The following LRP1B variants were observed in gnomAD, a reference collection of about 807,000 sequenced individuals.
LRP1B encodes LDL receptor related protein 1B, also known as low-density lipoprotein receptor-related protein 1B.
A neutral mutation model predicts 556.6 loss-of-function variants in LRP1B; 217 were observed. The ratio of observed to expected loss-of-function variants is 0.39; its 90% CI spans 0.35 to 0.44. The LOEUF (loss-of-function observed/expected upper bound fraction) is 0.44, where lower values mean the gene tolerates loss of function less well. LRP1B is among the 20% of genes least tolerant of loss of function. LRP1B has a pLI of 1.00. For missense variants in LRP1B, 5,053 were observed against 5,620.8 expected, an observed-to-expected ratio of 0.90 and a Z score of 3.23; for synonymous variants, 2,047 against 1,865.8, an observed-to-expected ratio of 1.10 and a Z score of -2.50.
At chr2:140,364,561 A>T (rs1181931409) in intron 72 of LRP1B, 100 bp downstream of exon 72, 2 of 1,376,304 alleles carry the variant, frequency 1.5e-6, no homozygotes, top group Non-Finnish European at 1.0e-6. Flanking sequence ...TAACCCCAGG[A>T]TGGTATAATT....
rs145292513 is a variant in LRP1B at position 140,374,971 on chromosome 2, A to C, written c.10639-1834T>G. ...TTGAATTAAAGTTTCTTTAATGTATAACTATTTCTCGTTCTTCAGTTTTTT... is the reference window on the plus strand; with the variant it reads ...TTGAATTAAAGTTTCTTTAATGTATCACTATTTCTCGTTCTTCAGTTTTTT... On this transcript the variant is annotated intron_variant, in intron 68 of 90. Coordinates refer to ENST00000389484, the MANE Select transcript of LRP1B (RefSeq NM_018557.3). Among the ~76,000 whole-genome samples the C allele has an allele frequency of 3.3e-5, 5 of 152,212 alleles. No homozygotes were observed. In the East Asian group the frequency reaches 9.6e-4, roughly 29 times the overall value.
intron 3 of LRP1B, among the ~76,000 whole-genome samples, chr2:141,415,014 T>C (rs1691034024): frequency 6.7e-6 from 1 of 149,546 alleles, no homozygotes; most frequent in South Asian, 2.1e-4. Flanking sequence ...TGTACTTTTG[T>C]TTTGTTTTGT....
intron 2 of LRP1B, among the ~76,000 whole-genome samples, chr2:141,746,505 G>A (rs1295034188): frequency 1.3e-5 from 2 of 152,034 alleles, no homozygotes; most frequent in Non-Finnish European, 2.9e-5. Flanking sequence ...TCCATGCCAC[G>A]TGGCTGCTGC....
intron 86 of LRP1B, among the ~76,000 whole-genome samples, chr2:140,258,035 G>C (rs1413873516): frequency 1.3e-5 from 2 of 152,074 alleles, no homozygotes; most frequent in Admixed American, 1.3e-4. Context: ...TCACAATGTA[G>C]AGGAATAATT....
intron 38 of LRP1B, 39 bp downstream of exon 38, chr2:140,702,388 G>A (rs1315774095): frequency 1.9e-6 from 3 of 1,610,944 alleles, no homozygotes; most frequent in East Asian, 4.5e-5. Flanking sequence ...AAAGTTGTCA[G>A]TTAAGGCACT....
chr2:140,431,748 T>C (rs574633057), intron 66 of LRP1B, among the ~76,000 whole-genome samples: 12 of 152,286 alleles, frequency 7.9e-5, no homozygotes, highest in Admixed American at 2.6e-4. Context: ...ATCCAGGCCA[T>C]GACCAATAAT....
chr2:140,480,169 T>C (rs1319405437), intron 59 of LRP1B, among the ~76,000 whole-genome samples: 1 of 152,194 alleles, frequency 6.6e-6, no homozygotes, highest in Admixed American at 6.5e-5. Flanking sequence ...AAATGTTCAA[T>C]ATGTGGTGAC....
chr2:140,400,320 GCCCTGT>G (rs945872936), intron 66 of LRP1B, among the ~76,000 whole-genome samples: 5 of 152,096 alleles, frequency 3.3e-5, no homozygotes, highest in Non-Finnish European at 1.5e-5. Context: ...ACGTATTCCA[GCCCTGT>G]CTCTTGTTTT....
rs554704604 is a variant in LRP1B at position 141,944,157 on chromosome 2, G to A, written c.83-133756C>T. The stretch of plus-strand genomic sequence containing the variant: ...ACAATGACAGATCAAAGGAGGAGGA[G>A]GTGGGGAGACGTTCATCCCAGCTGG... On this transcript the variant is annotated intron_variant, in intron 1 of 90. Coordinates refer to ENST00000389484, the MANE Select transcript of LRP1B (RefSeq NM_018557.3). Among the ~76,000 whole-genome samples, 7 of 152,302 alleles carry A rather than the reference G, an allele frequency of 4.6e-5. No homozygotes were observed. The South Asian group carries it at 1.2e-3, about 27-fold the overall frequency.
In LRP1B at chr2:140,332,064, G is replaced by A. The variant is rs527310305; in HGVS notation, c.12223+2389C>T. Among the ~76,000 whole-genome samples, 177 of 152,106 alleles carry A rather than the reference G, an allele frequency of 1.2e-3. 1 individual carries two copies. The highest frequency in any genetic ancestry group is 4.1e-3 in the African/African-American group (171 of 41,538). On this transcript the variant is annotated intron_variant, in intron 79 of 90. Coordinates refer to ENST00000389484, the MANE Select transcript of LRP1B (RefSeq NM_018557.3). ...ATAAATTCATTTCTGAGGTCTCACAGCTAATAAATAATCCCTTGAGATTCA... is the reference window on the plus strand; with the variant it reads ...ATAAATTCATTTCTGAGGTCTCACAACTAATAAATAATCCCTTGAGATTCA...
chr2:141,913,848 G>T (rs1358706557), intron 1 of LRP1B, among the ~76,000 whole-genome samples: 2 of 152,068 alleles, frequency 1.3e-5, no homozygotes, highest in Admixed American at 6.5e-5. Context: ...CCAGGTTCAA[G>T]CAATTCTCCT....
At position 140,246,473 on chromosome 2, in the gene LRP1B, T is replaced by C. The variant is rs1300502018; in HGVS notation, c.13324+613A>G. 2.6e-5 allele frequency among the ~76,000 whole-genome samples: 4 copies of C among 151,220 alleles called. No individual in the cohort carries two copies. In the East Asian group the frequency reaches 7.8e-4, roughly 30 times the overall value. ...ACTGTACACAGACACACAACGATGA[T>C]ATAGACCCACAACGATGATATAGAC... is the stretch of plus-strand genomic sequence containing the variant. On this transcript the variant is annotated intron_variant, in intron 87 of 90. Transcript: ENST00000389484.
intron 49 of LRP1B, among the ~76,000 whole-genome samples, chr2:140,520,297 C>T (rs1690104600): frequency 6.6e-6 from 1 of 152,066 alleles, no homozygotes; most frequent in South Asian, 2.1e-4. Context: ...GAGTTCATGT[C>T]CTTTGTAAGG....
chr2:142,120,830 T>C (rs549105055), intron 1 of LRP1B, among the ~76,000 whole-genome samples: 3 of 152,188 alleles, frequency 2.0e-5, no homozygotes, highest in African/African-American at 7.2e-5. Flanking sequence ...ACACAGGGTG[T>C]TAGGAAATAT....
Position 140,733,224 on chromosome 2 carries a change from A to G in LRP1B, c.5759-16408T>C, listed in dbSNP as rs561696010. Among the ~76,000 whole-genome samples the G allele has an allele frequency of 1.2e-3, 180 of 152,294 alleles. 1 individual carries two copies. The highest frequency in any genetic ancestry group is 4.2e-3 in the African/African-American group (174 of 41,584). ...TCCAACTTAAATTTAGTCAATGTAT[A>G]GTACGAATAACCCTTTCCTTAAAAC... On this transcript the variant is annotated intron_variant, in intron 35 of 90. Coordinates refer to ENST00000389484, the MANE Select transcript of LRP1B (RefSeq NM_018557.3).
chr2:141,722,563 G>A (rs1172022099), intron 2 of LRP1B, among the ~76,000 whole-genome samples: 1 of 152,102 alleles, frequency 6.6e-6, no homozygotes, highest in Non-Finnish European at 1.5e-5. Flanking sequence ...AATGTTTGCT[G>A]TAACTGATAA....
intron 7 of LRP1B, among the ~76,000 whole-genome samples, chr2:141,112,953 G>GAT (rs1345326542): frequency 6.6e-6 from 1 of 152,072 alleles, no homozygotes; most frequent in Non-Finnish European, 1.5e-5. Context: ...TTAAGCCTGT[G>GAT]ATAAAATTAT....
At chr2:140,522,196 C>A (rs912115749) in intron 49 of LRP1B, among the ~76,000 whole-genome samples, 2 of 151,870 alleles carry the variant, frequency 1.3e-5, no homozygotes, top group Non-Finnish European at 2.9e-5. Context: ...TAAAACAAGT[C>A]TCAATAAATT....
At chr2:141,470,090 G>A (rs1399051950) in intron 3 of LRP1B, among the ~76,000 whole-genome samples, 1 of 152,142 alleles carries the variant, frequency 6.6e-6, no homozygotes, top group Non-Finnish European at 1.5e-5. Flanking sequence ...CTTCACATGG[G>A]ATCTTGGAAT....
Sources: gnomAD v4.1 joint callset for allele counts (sites outside exome capture counted in the v4.1 genomes callset) on GRCh38, gnomAD v4.1.1 for gene constraint, MANE v1.5 for transcripts, NCBI Gene and HGNC (gene_info 2026-07-23, HGNC 2026-07-21) for gene names.